Variants in CA13 observed in about 807,000 individuals in gnomAD.
CA13 encodes the protein CA-XIII.
A neutral mutation model predicts 31.5 loss-of-function variants in CA13; 21 were observed. The observed-to-expected ratio is 0.67, with a 90% CI of 0.47 to 0.96. The LOEUF is 0.96. Among genes scored for constraint, CA13 ranks in the 40% least tolerant of loss-of-function variants. The pLI is 0.00. For missense variants in CA13, 315 were observed against 318.9 expected, an observed-to-expected ratio of 0.99 and a Z score of 0.09; for synonymous variants, 117 against 111.4, an observed-to-expected ratio of 1.05 and a Z score of -0.32.
In CA13 at chr8:85,245,677, G is replaced by A. The variant is rs898050150; in HGVS notation, c.-152G>A. The A allele has an allele frequency of 1.2e-6, 1 of 819,038 alleles. No individual in the cohort carries two copies. Among genetic ancestry groups the A allele is most frequent in the Non-Finnish European group, 2.0e-6 (1 of 503,892 alleles). The allele number at this position is 819,038 out of a possible 1,614,324, so 50.7% of individuals were successfully genotyped here. A position where few individuals can be genotyped will look rare whatever the true frequency, so the allele number is the denominator to read the frequency against. On this transcript the variant is annotated 5_prime_UTR_variant, in exon 1 of 7. Transcript: ENST00000321764. ...CCTCTGCCGTCTGGAGGACGCAGGC[G>A]GGAGCGCCCCGGACCGGGTTCACGG...
At chr8:85,251,559 C>T (rs1036810805) in intron 2 of CA13, among the ~76,000 whole-genome samples, 1 of 152,096 alleles carries the variant, frequency 6.6e-6, no homozygotes, top group Non-Finnish European at 1.5e-5. Context: ...ATAGATATTT[C>T]ATGATTTGTT....
chr8:85,252,349 C>T (rs939975036), intron 2 of CA13, among the ~76,000 whole-genome samples: 1 of 152,058 alleles, frequency 6.6e-6, no homozygotes, highest in Non-Finnish European at 1.5e-5. Flanking sequence ...TAACAATGGA[C>T]ATTGAAGGGA....
intron 1 of CA13, chr8:85,246,587 A>C (rs1813735253): frequency 2.2e-6 from 1 of 445,826 alleles, no homozygotes; most frequent in Admixed American, 2.4e-5. Flanking sequence ...GAAATGTATT[A>C]ATAGGATAAA....
chr8:85,281,099 G>A (rs1172113190), intron 6 of CA13, 131 bp from the exon 7 acceptor site: 1 of 1,098,396 alleles, frequency 9.1e-7, no homozygotes, highest in Non-Finnish European at 1.3e-6. Flanking sequence ...TATTATATAT[G>A]ACATGTAACA....
chr8:85,249,051 G>T (rs1813780738), intron 1 of CA13, among the ~76,000 whole-genome samples: 1 of 152,202 alleles, frequency 6.6e-6, no homozygotes, highest in African/African-American at 2.4e-5. Flanking sequence ...ATGCTCAAGT[G>T]GCTTTGAAGT....
intron 1 of CA13, 62 bp downstream of exon 1, chr8:85,245,927 G>A: frequency 1.3e-6 from 2 of 1,591,468 alleles, no homozygotes; most frequent in Non-Finnish European, 8.6e-7. Flanking sequence ...CTAGCGCGAC[G>A]CCCCGGCGCT....
At chr8:85,274,834 C>T (rs1447477814) in intron 6 of CA13, among the ~76,000 whole-genome samples, 2 of 152,214 alleles carry the variant, frequency 1.3e-5, no homozygotes, top group East Asian at 1.9e-4. Flanking sequence ...AGACGCCACT[C>T]GTCCTCTTGC....
intron 1 of CA13, among the ~76,000 whole-genome samples, chr8:85,250,264 A>G (rs1399883199): frequency 2.6e-5 from 4 of 151,308 alleles, no homozygotes; most frequent in Non-Finnish European, 5.9e-5. Context: ...TGAGTGATAG[A>G]AGGAAGAATA....
At chr8:85,262,503 G>A (rs1045326534) in intron 3 of CA13, among the ~76,000 whole-genome samples, 1 of 152,094 alleles carries the variant, frequency 6.6e-6, no homozygotes, top group Non-Finnish European at 1.5e-5. Flanking sequence ...CAGTGTAGTT[G>A]GAGCTTGGAG....
chr8:85,266,321 G>A (rs577234833), intron 3 of CA13, among the ~76,000 whole-genome samples: 52 of 152,160 alleles, frequency 3.4e-4, no homozygotes, highest in Non-Finnish European at 5.9e-4. Flanking sequence ...CTCCCGAGTA[G>A]CTGGGACTAC....
Position 85,281,387 on chromosome 8 carries a change from G to C in CA13, c.*38G>C, listed in dbSNP as rs753370401. The C allele has an allele frequency of 6.2e-7, 1 of 1,606,366 alleles. No individual in the cohort carries two copies. Among genetic ancestry groups the C allele is most frequent in the South Asian group, 1.1e-5 (1 of 90,694 alleles). On this transcript the variant is annotated 3_prime_UTR_variant, in exon 7 of 7. Coordinates refer to ENST00000321764, the MANE Select transcript of CA13 (RefSeq NM_198584.3). ...ATGAACTCCCCCAAACATGGCTGTG[G>C]AGAGACAACAAAACAAAACAAAGCA...
At chr8:85,280,615 A>G (rs904064932) in intron 6 of CA13, among the ~76,000 whole-genome samples, 9 of 152,262 alleles carry the variant, frequency 5.9e-5, no homozygotes, top group Non-Finnish European at 1.2e-4. Flanking sequence ...ATTAATTGAC[A>G]GTATAATTTT....
chr8:85,270,929 T>C (rs949834939), intron 6 of CA13, among the ~76,000 whole-genome samples: 5 of 152,212 alleles, frequency 3.3e-5, no homozygotes, highest in African/African-American at 1.2e-4. Context: ...GTGGCTTTTA[T>C]GCAGAGCAGT....
Position 85,283,824 on chromosome 8 carries a change from G to A in CA13, c.*2475G>A, listed in dbSNP as rs1449937621. ...CTGTATTATAAATTGCACCTTAATAGACCAAAAATATCTATACAGCACTGA... is the reference window on the plus strand; with the variant it reads ...CTGTATTATAAATTGCACCTTAATAAACCAAAAATATCTATACAGCACTGA... On this transcript the variant is annotated 3_prime_UTR_variant, in exon 7 of 7. Transcript: ENST00000321764. 2.6e-5 allele frequency: 4 copies of A among 152,456 alleles called. No homozygotes were observed. In the East Asian group the frequency reaches 7.7e-4, roughly 29 times the overall value. 9.4% of individuals were successfully genotyped at this position (152,456 alleles called of 1,614,324 possible). A position where few individuals can be genotyped will look rare whatever the true frequency, so the allele number is the denominator to read the frequency against.
At chr8:85,268,677 CTTTTTTTT>C in intron 6 of CA13, 50 bp downstream of exon 6, 1 of 974,600 alleles carries the variant, frequency 1.0e-6, no homozygotes, top group Non-Finnish European at 1.4e-6. Flanking sequence ...GGAAACTGGG[CTTTTTTTT>C]TTTTTTTTTC....
chr8:85,274,158 T>C (rs1409167946), intron 6 of CA13, among the ~76,000 whole-genome samples: 1 of 152,074 alleles, frequency 6.6e-6, no homozygotes, highest in Non-Finnish European at 1.5e-5. Context: ...CCGGGGAGAA[T>C]CTTTCATTCC....
chr8:85,246,110 A>G (rs952996817), intron 1 of CA13, among the ~76,000 whole-genome samples: 6 of 152,124 alleles, frequency 3.9e-5, no homozygotes, highest in African/African-American at 1.4e-4. Context: ...GGATTCCCCA[A>G]ACTCCCAAGT....
chr8:85,265,157 C>T (rs1226776697), intron 3 of CA13, among the ~76,000 whole-genome samples: 1 of 152,170 alleles, frequency 6.6e-6, no homozygotes, highest in African/African-American at 2.4e-5. Context: ...ATGATTTGGG[C>T]ATGAAGGCTC....
chr8:85,278,197 C>T (rs1218587150), intron 6 of CA13, among the ~76,000 whole-genome samples: 3 of 134,198 alleles, frequency 2.2e-5, no homozygotes, highest in South Asian at 5.0e-4. Context: ...ACCCAGGAGG[C>T]GGAGGTTGCA....
Sources: allele counts gnomAD v4.1 joint callset (sites outside exome capture counted in the v4.1 genomes callset), GRCh38; gene constraint gnomAD v4.1.1; transcripts MANE v1.5; gene names NCBI Gene and HGNC (gene_info 2026-07-23, HGNC 2026-07-21).